Variants in WIPF1 observed in about 807,000 individuals in gnomAD.
WIPF1 encodes the protein WAS/WASL interacting protein family member 1.
WIPF1 carries 13 observed loss-of-function variants against 35.4 expected under a neutral mutation model. The observed-to-expected ratio is 0.37, with a 90% CI of 0.24 to 0.58. The LOEUF is 0.58. WIPF1 is among the 20% of genes least tolerant of loss of function. The pLI, the probability that WIPF1 is intolerant of heterozygous loss-of-function variation, is 0.74. For missense variants in WIPF1, 591 were observed against 667.0 expected, an observed-to-expected ratio of 0.89 and a Z score of 1.25; for synonymous variants, 267 against 266.3, an observed-to-expected ratio of 1.00 and a Z score of -0.02.
chr2:174,631,970 G>C (rs1280970495), intron 1 of WIPF1, among the ~76,000 whole-genome samples: 1 of 152,186 alleles, frequency 6.6e-6, no homozygotes, highest in Non-Finnish European at 1.5e-5. Context: ...GAAGAAGAGA[G>C]ATTTGTGAAG....
chr2:174,653,252 G>A (rs540539717), intron 1 of WIPF1, among the ~76,000 whole-genome samples: 12 of 152,262 alleles, frequency 7.9e-5, no homozygotes, highest in Non-Finnish European at 1.5e-4. Flanking sequence ...ATGGTGCTCT[G>A]GATGAACGTG....
intron 1 of WIPF1, among the ~76,000 whole-genome samples, chr2:174,664,667 C>T (rs990994080): frequency 6.6e-6 from 1 of 152,214 alleles, no homozygotes; most frequent in African/African-American, 2.4e-5. Flanking sequence ...GGCAAGCTGT[C>T]CCAGGGCCCA....
chr2:174,585,713 A>T (rs16862743), intron 1 of WIPF1, 102 bp from the exon 2 acceptor site: 2 of 806,958 alleles, frequency 2.5e-6, no homozygotes, highest in South Asian at 1.6e-5. Context: ...ACCTAGCTCA[A>T]CTCTTAGAAG....
In WIPF1 at chr2:174,678,921, T is replaced by C. The variant is rs190361594; in HGVS notation, c.-39+3853A>G. Among the ~76,000 whole-genome samples the C allele has an allele frequency of 2.6e-5, 4 of 152,384 alleles. No homozygotes were observed. The East Asian group carries it at 7.7e-4, about 29-fold the overall frequency. ...ACTACAGACAGCTAAGGGGTTATTGTTCTATGTTAATTTACATCGAAAGCA... is the reference window on the plus strand; with the variant it reads ...ACTACAGACAGCTAAGGGGTTATTGCTCTATGTTAATTTACATCGAAAGCA... On this transcript the variant is annotated intron_variant, in intron 1 of 8. Transcript: ENST00000272746.
intron 4 of WIPF1, chr2:174,574,605 A>G (rs1684985137): frequency 2.6e-6 from 1 of 380,084 alleles, no homozygotes; most frequent in Admixed American, 4.1e-5. Context: ...TTTTTTATCT[A>G]GGCATTCATG....
chr2:174,676,424 G>A (rs1267586343), intron 1 of WIPF1: 3 of 145,318 alleles, frequency 2.1e-5, no homozygotes, highest in African/African-American at 7.7e-5. Context: ...ATCCACCTCA[G>A]TCTCCTGAGT....
At chr2:174,565,954 G>T (rs538388992) in intron 7 of WIPF1, among the ~76,000 whole-genome samples, 2 of 152,208 alleles carry the variant, frequency 1.3e-5, no homozygotes, top group African/African-American at 4.8e-5. Context: ...CGCAATCTCA[G>T]CTCAGTGCAA....
chr2:174,637,991 T>C (rs933879963), intron 1 of WIPF1, among the ~76,000 whole-genome samples: 2 of 152,246 alleles, frequency 1.3e-5, no homozygotes, highest in East Asian at 3.8e-4. Context: ...TTATAGTTGA[T>C]AGTTTTCTGA....
At chr2:174,596,754 A>G (rs1685834546) in intron 1 of WIPF1, among the ~76,000 whole-genome samples, 1 of 151,972 alleles carries the variant, frequency 6.6e-6, no homozygotes, top group Admixed American at 6.6e-5. Context: ...AAAACAAAAA[A>G]CTTGTACTTA....
At chr2:174,604,485 T>C (rs932171579) in intron 1 of WIPF1, among the ~76,000 whole-genome samples, 2 of 152,212 alleles carry the variant, frequency 1.3e-5, no homozygotes, top group Admixed American at 6.5e-5. Context: ...TCCAAAAGTC[T>C]CTTCACAATG....
intron 1 of WIPF1, among the ~76,000 whole-genome samples, chr2:174,634,936 G>C (rs984194891): frequency 6.6e-6 from 1 of 152,150 alleles, no homozygotes; most frequent in African/African-American, 2.4e-5. Flanking sequence ...CTGGGGCTTG[G>C]GTGCTCTGCT....
rs147880585 is a variant in WIPF1, at chr2:174,619,457, C to A, written c.-38-33846G>T. 5.6e-3 allele frequency among the ~76,000 whole-genome samples: 853 copies of A among 152,250 alleles called. 3 individuals carry two copies. Among genetic ancestry groups the A allele is most frequent in the South Asian group, 9.8e-3 (47 of 4,816 alleles). On this transcript the variant is annotated intron_variant, in intron 1 of 8. Coordinates refer to the WIPF1 transcript ENST00000272746. ...TTCTCAAAAATAGTCATCTAGCTAT[C>A]TCTTACTTTGCTTTTATAATTGTGC...
At chr2:174,568,340 GAA>G (rs1684731264) in intron 5 of WIPF1, among the ~76,000 whole-genome samples, 1 of 152,082 alleles carries the variant, frequency 6.6e-6, no homozygotes, top group African/African-American at 2.4e-5. Flanking sequence ...ATGGCACAGT[GAA>G]ATTGAAAACA....
intron 1 of WIPF1, among the ~76,000 whole-genome samples, chr2:174,588,830 G>A (rs1312586583): frequency 1.3e-5 from 2 of 152,140 alleles, no homozygotes; most frequent in Non-Finnish European, 2.9e-5. Flanking sequence ...TACGGGTGAG[G>A]GCTCTCACTT....
intron 1 of WIPF1, among the ~76,000 whole-genome samples, chr2:174,669,708 C>T (rs1687967075): frequency 6.6e-6 from 1 of 152,146 alleles, no homozygotes; most frequent in African/African-American, 2.4e-5. Context: ...TACTCCATCT[C>T]TACAAAAATG....
intron 3 of WIPF1, among the ~76,000 whole-genome samples, chr2:174,580,354 TC>T (rs1464347531): frequency 6.6e-6 from 1 of 152,198 alleles, no homozygotes; most frequent in African/African-American, 2.4e-5. Flanking sequence ...TCCTTTTTCC[TC>T]CCAAACCAGT....
intron 1 of WIPF1, among the ~76,000 whole-genome samples, chr2:174,654,872 G>A (rs1687609907): frequency 6.6e-6 from 1 of 152,166 alleles, no homozygotes; most frequent in Admixed American, 6.5e-5. Context: ...TTCTCTACCA[G>A]AGGACAGGGG....
In WIPF1 at chr2:174,650,310, C is replaced by A. The variant is rs111752236; in HGVS notation, c.-39+32464G>T. On this transcript the variant is annotated intron_variant, in intron 1 of 8. Transcript: ENST00000272746. ...TGAACGAAAGATGACTGCCTCCCAGCAACTGAGAACAGAGGAATCCCTCAT... is the reference window on the plus strand; with the variant it reads ...TGAACGAAAGATGACTGCCTCCCAGAAACTGAGAACAGAGGAATCCCTCAT... Among the ~76,000 whole-genome samples the A allele has an allele frequency of 1.1e-4, 16 of 152,306 alleles. 3 individuals carry two copies. Among genetic ancestry groups the A allele is most frequent in the African/African-American group, 3.8e-4 (16 of 41,570 alleles).
chr2:174,567,216 C>G, intron 6 of WIPF1, 33 bp from the exon 7 acceptor site: 4 of 1,582,942 alleles, frequency 2.5e-6, no homozygotes, highest in Non-Finnish European at 2.6e-6. Context: ...TCTTCAGTGA[C>G]AGACAATGTG....
Sources: gnomAD v4.1 joint callset for allele counts (sites outside exome capture counted in the v4.1 genomes callset) on GRCh38, gnomAD v4.1.1 for gene constraint, MANE v1.5 for transcripts, NCBI Gene and HGNC (gene_info 2026-07-23, HGNC 2026-07-21) for gene names.